Variants in FCHO2 observed in about 807,000 individuals in gnomAD.
FCHO2 encodes F-BAR domain only protein 2.
A neutral mutation model predicts 114.1 loss-of-function variants in FCHO2; 43 were observed. That is an observed-to-expected ratio of 0.38 (90% confidence interval 0.30 to 0.49). The LOEUF (loss-of-function observed/expected upper bound fraction) is 0.49. Among genes scored for constraint, FCHO2 ranks in the 20% least tolerant of loss-of-function variants. FCHO2 has a pLI of 0.97. For synonymous variants in FCHO2, 293 were observed against 315.2 expected (o/e 0.93, Z 0.75); for missense variants, 807 against 950.4 (o/e 0.85, Z 1.98).
intron 1 of FCHO2, among the ~76,000 whole-genome samples, chr5:72,967,150 G>A (rs1752247774): frequency 6.6e-6 from 1 of 152,156 alleles, no homozygotes; most frequent in Admixed American, 6.5e-5. Flanking sequence ...GCCAGATGTG[G>A]TGGTGCACAC....
chr5:72,971,197 G>A (rs544851561), intron 2 of FCHO2, among the ~76,000 whole-genome samples: 11 of 152,110 alleles, frequency 7.2e-5, no homozygotes, highest in African/African-American at 1.7e-4. Flanking sequence ...ATGATTTATA[G>A]TCCTTTGGGT....
In FCHO2 at chr5:73,058,493, T is replaced by A. The variant is rs201343261; in HGVS notation, c.1314T>A (p.Ser438=). The change falls in exon 17 of 26, where the codon TCT becomes TCA. Residue 438 remains serine, a synonymous_variant. Coordinates refer to ENST00000430046, the MANE Select transcript of FCHO2 (RefSeq NM_138782.3). ...DPLFGPSLDS[S]SSSSLTSSSS... ...TATTTGGACCATCTCTTGATTCATC[T>A]TCTTCATCTTCACTAACTTCATCAT... The A allele has an allele frequency of 1.6e-5, 25 of 1,533,746 alleles. No individual in the cohort carries two copies. The highest frequency in any genetic ancestry group is 1.7e-4 in the Middle Eastern group (1 of 5,840).
intron 17 of FCHO2, among the ~76,000 whole-genome samples, chr5:73,061,350 T>G (rs1355336007): frequency 1.3e-5 from 2 of 152,132 alleles, no homozygotes; most frequent in Non-Finnish European, 2.9e-5. Flanking sequence ...TATGCTCTTC[T>G]TCCGTGTATT....
At chr5:73,013,644 T>C (rs1490263513) in intron 6 of FCHO2, among the ~76,000 whole-genome samples, 2 of 152,180 alleles carry the variant, frequency 1.3e-5, no homozygotes, top group Non-Finnish European at 2.9e-5. Flanking sequence ...AAGTGAAACG[T>C]GTCATTATTT....
intron 20 of FCHO2, among the ~76,000 whole-genome samples, chr5:73,076,584 T>A (rs1365662475): frequency 6.6e-6 from 1 of 152,226 alleles, no homozygotes; most frequent in Non-Finnish European, 1.5e-5. Flanking sequence ...TGAGTTCCAG[T>A]GCAGAATTGC....
At chr5:73,062,711 C>T (rs912136160) in intron 17 of FCHO2, among the ~76,000 whole-genome samples, 9 of 151,990 alleles carry the variant, frequency 5.9e-5, no homozygotes, top group Non-Finnish European at 1.2e-4. Context: ...TGATTCCCTA[C>T]GTCCCATGCA....
chr5:72,972,820 A>G (rs1337925950), intron 2 of FCHO2, among the ~76,000 whole-genome samples: 1 of 152,106 alleles, frequency 6.6e-6, no homozygotes, highest in African/African-American at 2.4e-5. Flanking sequence ...CCCATTCAGT[A>G]TGATATTGGC....
At chr5:73,025,010 A>T (rs765589208) in intron 8 of FCHO2, among the ~76,000 whole-genome samples, 4 of 152,152 alleles carry the variant, frequency 2.6e-5, no homozygotes, top group Admixed American at 6.5e-5. Context: ...AACGGTGATG[A>T]CATGGGCTTT....
intron 12 of FCHO2, 63 bp from the exon 13 acceptor site, chr5:73,052,269 A>G (rs1313638959): frequency 7.0e-7 from 1 of 1,428,838 alleles, no homozygotes; most frequent in African/African-American, 1.4e-5. Context: ...TTTAAAATAA[A>G]TGTGTGAAAA....
chr5:73,055,251 G>A (rs1442248969), intron 15 of FCHO2, among the ~76,000 whole-genome samples: 5 of 152,140 alleles, frequency 3.3e-5, no homozygotes, highest in African/African-American at 1.2e-4. Flanking sequence ...GCTGAGTTGT[G>A]GAGATGAGAG....
chr5:73,011,372 T>C (rs966836486), intron 6 of FCHO2, among the ~76,000 whole-genome samples: 1 of 152,254 alleles, frequency 6.6e-6, no homozygotes, highest in Non-Finnish European at 1.5e-5. Flanking sequence ...TGGGATGACA[T>C]CTTAAAGTAG....
At chr5:73,036,919 AGTAAAT>A (rs1443236720) in intron 9 of FCHO2, among the ~76,000 whole-genome samples, 1 of 152,186 alleles carries the variant, frequency 6.6e-6, no homozygotes, top group Non-Finnish European at 1.5e-5. Context: ...TTATCTATAA[AGTAAAT>A]GTTCTATGAT....
intron 1 of FCHO2, among the ~76,000 whole-genome samples, chr5:72,963,284 T>G (rs922167866): frequency 6.6e-6 from 1 of 152,178 alleles, no homozygotes; most frequent in Non-Finnish European, 1.5e-5. Flanking sequence ...TTCAGTTGGT[T>G]GAAGCAACAG....
chr5:72,975,013 A>G (rs1257517638), intron 2 of FCHO2, among the ~76,000 whole-genome samples: 1 of 152,148 alleles, frequency 6.6e-6, no homozygotes, highest in Non-Finnish European at 1.5e-5. Context: ...CTTTTCTTTA[A>G]GAATGTTGAA....
intron 8 of FCHO2, among the ~76,000 whole-genome samples, chr5:73,031,380 T>C (rs1470890605): frequency 2.0e-5 from 3 of 152,188 alleles, no homozygotes; most frequent in Non-Finnish European, 4.4e-5. Context: ...GCCCAGACTT[T>C]CTATTTGAGT....
At chr5:73,005,127 A>G (rs1029091411) in intron 5 of FCHO2, among the ~76,000 whole-genome samples, 4 of 152,178 alleles carry the variant, frequency 2.6e-5, no homozygotes, top group Admixed American at 6.5e-5. Flanking sequence ...TACATAACAT[A>G]TATACTTAAT....
intron 2 of FCHO2, among the ~76,000 whole-genome samples, chr5:72,986,986 C>G (rs1561424600): frequency 6.6e-6 from 1 of 150,838 alleles, no homozygotes; most frequent in African/African-American, 2.4e-5. Context: ...TCACACCATT[C>G]TGCCTCAGCC....
At chr5:72,967,098 C>T (rs1484052157) in intron 1 of FCHO2, among the ~76,000 whole-genome samples, 1 of 152,112 alleles carries the variant, frequency 6.6e-6, no homozygotes, top group South Asian at 2.1e-4. Context: ...CCTGCCTGGC[C>T]AACATGGCAA....
chr5:72,963,445 A>G (rs1000667460), intron 1 of FCHO2, among the ~76,000 whole-genome samples: 1 of 152,140 alleles, frequency 6.6e-6, no homozygotes, highest in East Asian at 1.9e-4. Context: ...AGATTCTACT[A>G]TATGGTTGTG....
Sources: allele counts gnomAD v4.1 joint callset (sites outside exome capture counted in the v4.1 genomes callset), GRCh38; gene constraint gnomAD v4.1.1; transcripts MANE v1.5; gene names NCBI Gene and HGNC (gene_info 2026-07-23, HGNC 2026-07-21).